The following SRPK1 variants were observed in gnomAD, a reference collection of about 807,000 sequenced individuals.
SRPK1 encodes SRSF protein kinase 1.
SRPK1 carries 52 observed loss-of-function variants against 89.5 expected under a neutral mutation model. That is an observed-to-expected ratio of 0.58 (90% CI 0.46 to 0.73). SRPK1 has a LOEUF of 0.73. Among genes scored for constraint, SRPK1 ranks in the 30% least tolerant of loss-of-function variants. SRPK1 has a pLI of 0.00. For synonymous variants in SRPK1, 255 were observed against 270.2 expected (o/e 0.94, Z 0.55); for missense variants, 603 against 780.6 (o/e 0.77, Z 2.71).
intron 3 of SRPK1, among the ~76,000 whole-genome samples, chr6:35,889,882 A>C (rs1392283304): frequency 1.3e-5 from 2 of 150,674 alleles, no homozygotes; most frequent in Non-Finnish European, 3.0e-5. Context: ...ACGGATCACA[A>C]GGTCAGGAGA....
chr6:35,868,024 G>A (rs1186815531), intron 12 of SRPK1, among the ~76,000 whole-genome samples: 2 of 152,012 alleles, frequency 1.3e-5, no homozygotes, highest in Non-Finnish European at 2.9e-5. Flanking sequence ...CCAGGCTGGA[G>A]TGCAATGGCG....
chr6:35,919,985 C>T (rs530030838), intron 2 of SRPK1: 4 of 434,126 alleles, frequency 9.2e-6, no homozygotes, highest in African/African-American at 2.0e-5. Flanking sequence ...CCATGCCCTC[C>T]TCTATGAAAG....
chr6:35,920,681 C>A (rs1239117416), intron 1 of SRPK1, 153 bp from the exon 2 acceptor site: 9 of 353,696 alleles, frequency 2.5e-5, no homozygotes, highest in Non-Finnish European at 4.3e-6. Flanking sequence ...GTGGGGCTGG[C>A]GGCCCACGGG....
chr6:35,893,466 C>A (rs963135574), intron 2 of SRPK1, among the ~76,000 whole-genome samples: 1 of 146,648 alleles, frequency 6.8e-6, no homozygotes, highest in Admixed American at 6.8e-5. Flanking sequence ...GCATGGGCGA[C>A]AGAGCAAGAC....
chr6:35,855,303 GA>G (rs1299003057), intron 13 of SRPK1, among the ~76,000 whole-genome samples: 5 of 145,118 alleles, frequency 3.4e-5, no homozygotes, highest in East Asian at 4.0e-4. Context: ...CTCCATCTCA[GA>G]AAAAAAAAAC....
intron 13 of SRPK1, among the ~76,000 whole-genome samples, chr6:35,850,439 G>T (rs1004577788): frequency 6.6e-6 from 1 of 152,162 alleles, no homozygotes; most frequent in East Asian, 1.9e-4. Flanking sequence ...GCACCAGAAA[G>T]GCCAAAAGAG....
chr6:35,838,863 G>C (rs1300990683), intron 14 of SRPK1: 2 of 1,336,310 alleles, frequency 1.5e-6, no homozygotes, highest in African/African-American at 1.5e-5. Context: ...TCTATGAATA[G>C]CTTTTTCAAG....
intron 13 of SRPK1, among the ~76,000 whole-genome samples, chr6:35,843,292 C>G (rs1434560982): frequency 1.4e-5 from 2 of 144,948 alleles, no homozygotes; most frequent in African/African-American, 5.1e-5. Context: ...ATTATAATCA[C>G]ACATGGCTAG....
At chr6:35,844,433 G>A (rs1431197410) in intron 13 of SRPK1, among the ~76,000 whole-genome samples, 1 of 152,152 alleles carries the variant, frequency 6.6e-6, no homozygotes, top group Non-Finnish European at 1.5e-5. Flanking sequence ...GTAGAGTCCA[G>A]GACTTAGTTG....
intron 2 of SRPK1, among the ~76,000 whole-genome samples, chr6:35,900,410 G>A (rs1487207801): frequency 6.6e-6 from 1 of 152,224 alleles, no homozygotes; most frequent in Non-Finnish European, 1.5e-5. Context: ...TTTACTGAGT[G>A]TCTGTAGATA....
At chr6:35,877,316 A>G (rs1770176187) in intron 6 of SRPK1, among the ~76,000 whole-genome samples, 1 of 152,252 alleles carries the variant, frequency 6.6e-6, no homozygotes, top group African/African-American at 2.4e-5. Context: ...ACCATCCCAG[A>G]ACAAGGCTCA....
At chr6:35,843,375 A>T (rs970637137) in intron 13 of SRPK1, among the ~76,000 whole-genome samples, 5 of 151,730 alleles carry the variant, frequency 3.3e-5, no homozygotes, top group Non-Finnish European at 7.4e-5. Flanking sequence ...ATGACTCTTT[A>T]GTGTTTGACA....
chr6:35,890,315 C>T (rs1015734649), intron 3 of SRPK1, among the ~76,000 whole-genome samples: 1 of 152,138 alleles, frequency 6.6e-6, no homozygotes, highest in African/African-American at 2.4e-5. Flanking sequence ...GAAAAGGCTG[C>T]CAACAGTGGC....
intron 13 of SRPK1, among the ~76,000 whole-genome samples, chr6:35,844,602 T>C (rs2237232): frequency 0.065 from 9,830 of 152,254 alleles, 502 homozygotes; most frequent in East Asian, 0.29. Context: ...AATCAAATAC[T>C]ATCTCTAAAT....
intron 2 of SRPK1, among the ~76,000 whole-genome samples, chr6:35,919,592 C>T (rs1429660199): frequency 1.3e-5 from 2 of 152,198 alleles, no homozygotes; most frequent in Non-Finnish European, 2.9e-5. Context: ...TTCCAAGATC[C>T]TTTGCAATTA....
chr6:35,886,684 T>G (rs1329920582), intron 6 of SRPK1, 40 bp downstream of exon 6: 3 of 1,230,474 alleles, frequency 2.4e-6, no homozygotes, highest in South Asian at 2.5e-5. Context: ...TTCTTTGGGA[T>G]TGGGATGATT....
intron 13 of SRPK1, among the ~76,000 whole-genome samples, chr6:35,853,658 G>C (rs1308839088): frequency 1.3e-5 from 2 of 152,180 alleles, no homozygotes; most frequent in Non-Finnish European, 2.9e-5. Flanking sequence ...GTGCCAGTGG[G>C]AGTCCTACAA....
intron 2 of SRPK1, among the ~76,000 whole-genome samples, chr6:35,892,073 G>A (rs1770529069): frequency 6.6e-6 from 1 of 152,126 alleles, no homozygotes; most frequent in African/African-American, 2.4e-5. Flanking sequence ...TTTTTATGTA[G>A]TATGACTGCT....
chr6:35,915,997 T>TATATATAC (rs1284737691), intron 2 of SRPK1, among the ~76,000 whole-genome samples: 11 of 90,206 alleles, frequency 1.2e-4, no homozygotes, highest in African/African-American at 5.6e-4. Context: ...AAAAAATATA[T>TATATATAC]ACACACACAC....
Sources: allele counts gnomAD v4.1 joint callset (sites outside exome capture counted in the v4.1 genomes callset), GRCh38; gene constraint gnomAD v4.1.1; transcripts MANE v1.5; gene names NCBI Gene and HGNC (gene_info 2026-07-23, HGNC 2026-07-21).